HCN1: variants seen among roughly 807,000 people sequenced by gnomAD.
HCN1 encodes the protein potassium/sodium hyperpolarization-activated cyclic nucleotide-gated channel 1.
In HCN1, 13 loss-of-function variants were observed where a neutral mutation model predicts 78.9. The ratio of observed to expected loss-of-function variants is 0.16; its 90% CI spans 0.11 to 0.26. The LOEUF is 0.26. Ranked by LOEUF, HCN1 falls within the 10% of genes least tolerant of loss-of-function variation. The pLI is 1.00. For missense variants in HCN1, 810 were observed against 1,154.3 expected (o/e 0.70, Z 4.32); for synonymous variants, 552 against 455.5 (o/e 1.21, Z -2.70).
chr5:45,683,326 T>C (rs907643374), intron 1 of HCN1, among the ~76,000 whole-genome samples: 1 of 152,154 alleles, frequency 6.6e-6, no homozygotes, highest in Non-Finnish European at 1.5e-5. Flanking sequence ...TCATTGTTGA[T>C]ATATAGGAAA....
intron 1 of HCN1, among the ~76,000 whole-genome samples, chr5:45,677,882 T>C (rs1739618726): frequency 6.6e-6 from 1 of 151,866 alleles, no homozygotes; most frequent in Admixed American, 6.6e-5. Context: ...GTTAGGAGGA[T>C]AAATGAAATG....
chr5:45,262,788 C>T lies in HCN1; in HGVS notation c.1806G>A (p.Leu602=). 6.2e-7 allele frequency: 1 copy of T among 1,613,946 alleles called. No individual in the cohort carries two copies. The highest frequency in any genetic ancestry group is 8.5e-7 in the Non-Finnish European group (1 of 1,180,016). The change falls in exon 8 of 8, where the codon CTG becomes CTA. Residue 602 remains leucine (L), a synonymous_variant. Coordinates refer to ENST00000303230, the MANE Select transcript of HCN1 (RefSeq NM_021072.4). ...DRIGKKNSIL[L]QKFQKDLNTG... ...TGTTCAGATCCTTCTGGAACTTTTG[C>T]AGAAGAATTGAATTTTTCTTTCCTG... is the stretch of plus-strand genomic sequence containing the variant.
chr5:45,581,837 G>T (rs1340289423), intron 2 of HCN1, among the ~76,000 whole-genome samples: 1 of 152,110 alleles, frequency 6.6e-6, no homozygotes, highest in Non-Finnish European at 1.5e-5. Context: ...TTGTAGATAT[G>T]CAGTGTTATT....
At chr5:45,536,495 G>C (rs1742971999) in intron 2 of HCN1, among the ~76,000 whole-genome samples, 1 of 151,856 alleles carries the variant, frequency 6.6e-6, no homozygotes, top group Non-Finnish European at 1.5e-5. Context: ...TTCAGTTACT[G>C]CATTTTTCAG....
intron 2 of HCN1, among the ~76,000 whole-genome samples, chr5:45,521,336 C>T (rs910082552): frequency 6.6e-6 from 1 of 151,790 alleles, no homozygotes; most frequent in African/African-American, 2.4e-5. Flanking sequence ...GGCTATGGTA[C>T]CACAGACTAG....
rs372235370 is a variant in HCN1 at position 45,684,669 on chromosome 5, T to A, written c.425+11000A>T. 3.3e-5 allele frequency among the ~76,000 whole-genome samples: 5 copies of A among 152,180 alleles called. No individual in the cohort carries two copies. In the East Asian group the frequency reaches 7.7e-4, roughly 23 times the overall value. On this transcript the variant is annotated intron_variant, in intron 1 of 7. Transcript: ENST00000303230. ...TGAGGTCAGGAGCTCAAGACCAGCC[T>A]GACCAACATGGTAAAACCCCATCTC... is the stretch of plus-strand genomic sequence containing the variant.
chr5:45,439,717 C>T (rs1189892974), intron 3 of HCN1, among the ~76,000 whole-genome samples: 1 of 151,942 alleles, frequency 6.6e-6, no homozygotes, highest in Admixed American at 6.6e-5. Flanking sequence ...AGCTAACCAA[C>T]AGGATATTAT....
At chr5:45,544,236 A>G (rs1046825877) in intron 2 of HCN1, among the ~76,000 whole-genome samples, 2 of 152,102 alleles carry the variant, frequency 1.3e-5, no homozygotes, top group Non-Finnish European at 2.9e-5. Context: ...TATTAAATAT[A>G]AAGTAGTACA....
chr5:45,285,525 A>G (rs1745249493), intron 6 of HCN1, among the ~76,000 whole-genome samples: 1 of 151,864 alleles, frequency 6.6e-6, no homozygotes, highest in Non-Finnish European at 1.5e-5. Flanking sequence ...TATTAAGGGT[A>G]TTTCGCTTAA....
At chr5:45,297,288 C>T (rs574828267) in intron 6 of HCN1, among the ~76,000 whole-genome samples, 25 of 152,202 alleles carry the variant, frequency 1.6e-4, no homozygotes, top group South Asian at 8.3e-4. Context: ...TGCCTTTAGG[C>T]GGTTTCCACC....
chr5:45,345,023 C>T (rs547395551), intron 5 of HCN1, among the ~76,000 whole-genome samples: 12 of 152,306 alleles, frequency 7.9e-5, no homozygotes, highest in East Asian at 5.8e-4. Flanking sequence ...TGGACATCCA[C>T]GCATTTCCAT....
intron 3 of HCN1, among the ~76,000 whole-genome samples, chr5:45,421,832 A>C (rs753906926): frequency 6.6e-6 from 1 of 152,262 alleles, no homozygotes; most frequent in East Asian, 1.9e-4. Context: ...CATCCTGACT[A>C]TGTCCTCATG....
intron 3 of HCN1, among the ~76,000 whole-genome samples, chr5:45,446,806 G>T (rs1288145486): frequency 1.3e-5 from 2 of 151,888 alleles, no homozygotes; most frequent in Non-Finnish European, 2.9e-5. Context: ...AAGTGAAGGA[G>T]AAATAAAATC....
At chr5:45,283,503 AAAG>A (rs1303948049) in intron 6 of HCN1, among the ~76,000 whole-genome samples, 1 of 152,210 alleles carries the variant, frequency 6.6e-6, no homozygotes, top group African/African-American at 2.4e-5. Context: ...ACACTTTTCC[AAAG>A]AAGACATACA....
intron 3 of HCN1, among the ~76,000 whole-genome samples, chr5:45,452,739 T>C (rs374265020): frequency 3.3e-5 from 5 of 151,956 alleles, no homozygotes; most frequent in East Asian, 3.9e-4. Flanking sequence ...TATAAGAATA[T>C]ATGTATAAAA....
chr5:45,498,794 T>C (rs990067649), intron 2 of HCN1, among the ~76,000 whole-genome samples: 3 of 152,132 alleles, frequency 2.0e-5, no homozygotes, highest in Non-Finnish European at 4.4e-5. Context: ...TTAGTTTTCC[T>C]TCTAACAGAC....
intron 3 of HCN1, among the ~76,000 whole-genome samples, chr5:45,423,979 TA>T (rs1740283907): frequency 6.6e-6 from 1 of 151,922 alleles, no homozygotes; most frequent in African/African-American, 2.4e-5. Flanking sequence ...TTTAAAAGAA[TA>T]AAAACATTAA....
intron 2 of HCN1, among the ~76,000 whole-genome samples, chr5:45,616,362 G>A (rs1398677373): frequency 6.6e-6 from 1 of 151,920 alleles, no homozygotes; most frequent in African/African-American, 2.4e-5. Context: ...GGTATTTTAA[G>A]GGCTGAGAGT....
chr5:45,466,455 A>T (rs1741272741), intron 2 of HCN1, among the ~76,000 whole-genome samples: 1 of 152,190 alleles, frequency 6.6e-6, no homozygotes. Context: ...ACACCTTCGT[A>T]AGTATCAAAA....
Sources: gnomAD v4.1 joint callset for allele counts (sites outside exome capture counted in the v4.1 genomes callset) on GRCh38, gnomAD v4.1.1 for gene constraint, MANE v1.5 for transcripts, NCBI Gene and HGNC (gene_info 2026-07-23, HGNC 2026-07-21) for gene names.